PTP4A1: variants seen among roughly 807,000 people sequenced by gnomAD.
PTP4A1 encodes protein tyrosine phosphatase 4A1.
A neutral mutation model predicts 20.5 loss-of-function variants in PTP4A1; 9 were observed. The ratio of observed to expected loss-of-function variants is 0.44; its 90% CI spans 0.26 to 0.77. PTP4A1 has a LOEUF of 0.77. Ranked by LOEUF, PTP4A1 falls within the 30% of genes least tolerant of loss-of-function variation. The pLI is 0.19. For missense variants in PTP4A1, 137 were observed against 218.8 expected (o/e 0.63, Z 2.36); for synonymous variants, 78 against 67.4 (o/e 1.16, Z -0.77).
chr6:63,531,512 C>CTA (rs1554197791), intron 2 of PTP4A1, among the ~76,000 whole-genome samples: 1 of 128,538 alleles, frequency 7.8e-6, no homozygotes, highest in Non-Finnish European at 1.7e-5. Context: ...ATCTATTATG[C>CTA]TTTTTTTTTT....
intron 2 of PTP4A1, among the ~76,000 whole-genome samples, chr6:63,544,131 A>G (rs1200713679): frequency 6.6e-6 from 1 of 152,128 alleles, no homozygotes; most frequent in East Asian, 1.9e-4. Context: ...AGTAAAGACT[A>G]CCAGACACTG....
At chr6:63,564,346 A>G (rs1777095741) in intron 3 of PTP4A1, among the ~76,000 whole-genome samples, 1 of 152,170 alleles carries the variant, frequency 6.6e-6, no homozygotes, top group Non-Finnish European at 1.5e-5. Context: ...AGTATCTTCC[A>G]GCCATGAATG....
In PTP4A1 at chr6:63,572,492, G is replaced by T. The variant is rs1777503404; in HGVS notation, c.-673G>T. On this transcript the variant is annotated 5_prime_UTR_variant, in exon 1 of 6. Transcript: ENST00000626021. ...GTGACGCAAGGGCGCCTCGGCGCGT[G>T]TATTGGCTCCTTCGGCTGCGGGCCG... 3 of 389,390 alleles carry T rather than the reference G, an allele frequency of 7.7e-6. No individual in the cohort carries two copies. The highest frequency in any genetic ancestry group is 9.1e-6 in the Non-Finnish European group (2 of 220,264). 24.1% of individuals were successfully genotyped at this position (389,390 alleles called of 1,614,324 possible). A position where few individuals can be genotyped will look rare whatever the true frequency, so the allele number is the denominator to read the frequency against.
At chr6:63,542,519 C>T (rs948830861) in intron 2 of PTP4A1, among the ~76,000 whole-genome samples, 9 of 152,128 alleles carry the variant, frequency 5.9e-5, no homozygotes, top group Non-Finnish European at 1.0e-4. Flanking sequence ...TTTCAAGAGT[C>T]CAACCTCTCC....
intron 1 of PTP4A1, chr6:63,573,542 G>T (rs1777634653): frequency 6.6e-6 from 1 of 152,226 alleles, no homozygotes; most frequent in South Asian, 2.1e-4. Context: ...ACAGCCGCGT[G>T]CGCGGGGCGG....
In PTP4A1 at chr6:63,554,231, A is replaced by G. The variant is rs1307320576; in HGVS notation, c.-446+3738A>G. Among the ~76,000 whole-genome samples, 4 of 152,224 alleles carry G rather than the reference A, an allele frequency of 2.6e-5. No individual in the cohort carries two copies. In the East Asian group the frequency reaches 5.8e-4, roughly 22 times the overall value. On this transcript the variant is annotated intron_variant, in intron 3 of 3. Coordinates refer to the PTP4A1 transcript ENST00000639568. ...TTTCTTTTTAAGTATATTCCATTAC[A>G]GTAGGAATTTTCTCTATTCTTGTCA...
intron 3 of PTP4A1, among the ~76,000 whole-genome samples, chr6:63,561,059 C>T (rs1776928249): frequency 6.6e-6 from 1 of 152,206 alleles, no homozygotes; most frequent in African/African-American, 2.4e-5. Flanking sequence ...ACGTAGGAAG[C>T]CAAATTAATA....
At chr6:63,520,095 A>G (rs1774867031), upstream of PTP4A1, among the ~76,000 whole-genome samples, 1 of 152,228 alleles carries the variant, frequency 6.6e-6, no homozygotes, top group South Asian at 2.1e-4. Context: ...TAATTATCAA[A>G]CAAAAACTAA....
At chr6:63,532,045 C>G (rs2149478141) in intron 2 of PTP4A1, among the ~76,000 whole-genome samples, 1 of 152,158 alleles carries the variant, frequency 6.6e-6, no homozygotes, top group African/African-American at 2.4e-5. Flanking sequence ...GTGATACACC[C>G]ACCTCGGCCT....
intron 2 of PTP4A1, among the ~76,000 whole-genome samples, chr6:63,540,277 A>C (rs1160645015): frequency 6.6e-6 from 1 of 152,190 alleles, no homozygotes; most frequent in South Asian, 2.1e-4. Context: ...AGAATCATAG[A>C]TAGATCTTAA....
chr6:63,572,197 C>T (rs1370647429), upstream of PTP4A1: 1 of 156,270 alleles, frequency 6.4e-6, no homozygotes, highest in East Asian at 1.9e-4. Flanking sequence ...GTCGATAAAT[C>T]GGAATCTCTC....
At chr6:63,579,364 T>C in intron 5 of PTP4A1, 33 bp downstream of exon 5, 1 of 1,499,038 alleles carries the variant, frequency 6.7e-7, no homozygotes, top group Non-Finnish European at 9.2e-7. Flanking sequence ...ATTTGTACTC[T>C]CTTTCATTTC....
At chr6:63,563,637 C>T (rs988384200) in intron 3 of PTP4A1, among the ~76,000 whole-genome samples, 2 of 152,172 alleles carry the variant, frequency 1.3e-5, no homozygotes, top group Non-Finnish European at 2.9e-5. Context: ...GGGCAGAAAA[C>T]ATGTTTATGT....
chr6:63,530,789 A>G (rs927985096), intron 2 of PTP4A1, among the ~76,000 whole-genome samples: 4 of 152,172 alleles, frequency 2.6e-5, no homozygotes, highest in African/African-American at 7.2e-5. Flanking sequence ...GTATTTTAAC[A>G]TTGAATAAAT....
intron 2 of PTP4A1, among the ~76,000 whole-genome samples, chr6:63,547,380 G>A (rs963147853): frequency 6.6e-6 from 1 of 150,940 alleles, no homozygotes; most frequent in Non-Finnish European, 1.5e-5. Flanking sequence ...AGTAGAGATA[G>A]GATTTCACCA....
At chr6:63,537,535 C>G (rs980456775) in intron 2 of PTP4A1, among the ~76,000 whole-genome samples, 1 of 152,306 alleles carries the variant, frequency 6.6e-6, no homozygotes, top group East Asian at 1.9e-4. Context: ...TACCTTTTCA[C>G]CCCAGAGAAA....
chr6:63,577,122 G>A (rs1777917273), intron 2 of PTP4A1, 137 bp downstream of exon 2: 1 of 671,920 alleles, frequency 1.5e-6, no homozygotes, highest in Non-Finnish European at 2.6e-6. Flanking sequence ...AAATGTCAAT[G>A]TCTTCTATAG....
At chr6:63,552,242 G>C (rs1469264080) in intron 3 of PTP4A1, among the ~76,000 whole-genome samples, 1 of 152,186 alleles carries the variant, frequency 6.6e-6, no homozygotes, top group Non-Finnish European at 1.5e-5. Context: ...GTGTGAGATG[G>C]TATCTCATTG....
intron 2 of PTP4A1, among the ~76,000 whole-genome samples, chr6:63,537,985 CAG>C (rs1453921748): frequency 5.9e-5 from 9 of 152,186 alleles, no homozygotes; most frequent in African/African-American, 1.9e-4. Context: ...TTGCATCAGT[CAG>C]AGTTTACCTG....
Sources: allele counts gnomAD v4.1 joint callset (sites outside exome capture counted in the v4.1 genomes callset), GRCh38; gene constraint gnomAD v4.1.1; transcripts MANE v1.5; gene names NCBI Gene and HGNC (gene_info 2026-07-23, HGNC 2026-07-21).